Variants in ALK observed in about 807,000 individuals in gnomAD.
The protein encoded by ALK is ALK receptor tyrosine kinase.
ALK carries 74 observed loss-of-function variants against 163.1 expected under a neutral mutation model. The observed-to-expected ratio is 0.45, with a 90% CI of 0.38 to 0.55. ALK has a LOEUF of 0.55. Ranked by LOEUF, ALK falls within the 20% of genes least tolerant of loss-of-function variation. The probability of loss-of-function intolerance (pLI) is 0.00; values close to 1 mark genes in which losing one functional copy is unlikely to be tolerated. For synonymous variants in ALK, 960 were observed against 843.2 expected (o/e 1.14, Z -2.40); for missense variants, 2,063 against 2,105.3 (o/e 0.98, Z 0.39).
intron 1 of ALK, among the ~76,000 whole-genome samples, chr2:29,830,545 T>C (rs1572415485): frequency 6.6e-6 from 1 of 151,764 alleles, no homozygotes; most frequent in African/African-American, 2.4e-5. Context: ...CCAGTGCCAA[T>C]AGCACCAGCA....
At chr2:29,614,774 C>T (rs1328646097) in intron 3 of ALK, among the ~76,000 whole-genome samples, 2 of 152,144 alleles carry the variant, frequency 1.3e-5, no homozygotes, top group East Asian at 3.8e-4. Context: ...GCCAGAATCC[C>T]CCCATCCCTG....
At chr2:29,699,556 T>C (rs1442799247) in intron 2 of ALK, among the ~76,000 whole-genome samples, 1 of 152,216 alleles carries the variant, frequency 6.6e-6, no homozygotes, top group Non-Finnish European at 1.5e-5. Context: ...TGTTTTATCT[T>C]GGTTACTCTT....
chr2:29,604,264 A>G (rs1476549679), intron 3 of ALK, among the ~76,000 whole-genome samples: 1 of 151,026 alleles, frequency 6.6e-6, no homozygotes, highest in Non-Finnish European at 1.5e-5. Context: ...TTCGGTGTTC[A>G]TAAGTAAGGT....
intron 3 of ALK, among the ~76,000 whole-genome samples, chr2:29,549,392 G>A (rs1174724230): frequency 6.6e-6 from 1 of 152,156 alleles, no homozygotes; most frequent in East Asian, 1.9e-4. Context: ...TATTTGGACA[G>A]CGTTTTATGA....
intron 3 of ALK, among the ~76,000 whole-genome samples, chr2:29,576,214 C>T (rs1369102353): frequency 6.6e-6 from 1 of 152,180 alleles, no homozygotes; most frequent in East Asian, 1.9e-4. Flanking sequence ...AAGCAAATCC[C>T]TAAATAATCA....
intron 1 of ALK, among the ~76,000 whole-genome samples, chr2:29,741,325 T>A (rs1680052613): frequency 6.6e-6 from 1 of 152,174 alleles, no homozygotes; most frequent in Non-Finnish European, 1.5e-5. Context: ...CTTTGGGTGA[T>A]AATGCTGTGT....
At chr2:29,695,753 CAT>C (rs1297003236) in intron 2 of ALK, among the ~76,000 whole-genome samples, 26 of 152,152 alleles carry the variant, frequency 1.7e-4, no homozygotes, top group Admixed American at 1.6e-3. Context: ...GGCCAACAAA[CAT>C]ATGAAAAAAA....
rs72861578 is a variant in ALK, at chr2:29,580,977, C to G, written c.953-48861G>C. On this transcript the variant is annotated intron_variant, in intron 3 of 28. Transcript: ENST00000389048. ...AGTCAGTGTGGGTGGACATGGGGTGCCTCTTTCCACAAGGTCCGATCTTCT... is the reference window on the plus strand; with the variant it reads ...AGTCAGTGTGGGTGGACATGGGGTGGCTCTTTCCACAAGGTCCGATCTTCT... 8.3e-3 allele frequency among the ~76,000 whole-genome samples: 1,270 copies of G among 152,274 alleles called. 8 individuals are homozygous for G. The highest frequency in any genetic ancestry group is 9.8e-3 in the Non-Finnish European group (666 of 68,022).
Position 29,718,340 on chromosome 2 carries a change from G to A in ALK, c.668-643C>T, listed in dbSNP as rs1446660775. On this transcript the variant is annotated intron_variant, in intron 1 of 28. Transcript: ENST00000389048. ...AGAAGCATTATTCCTGTCCTTAGCA[G>A]CACCTCATGTGGATTTTGTGTGGTG... Among the ~76,000 whole-genome samples the A allele has an allele frequency of 1.3e-5, 2 of 152,222 alleles. 1 individual carries two copies.
At chr2:29,883,032 A>C (rs1169651741) in intron 1 of ALK, among the ~76,000 whole-genome samples, 1 of 151,710 alleles carries the variant, frequency 6.6e-6, no homozygotes, top group Non-Finnish European at 1.5e-5. Flanking sequence ...TTTTTCATGA[A>C]GGAAGGAAGG....
chr2:29,599,841 C>A (rs140830064), intron 3 of ALK, among the ~76,000 whole-genome samples: 1 of 152,172 alleles, frequency 6.6e-6, no homozygotes, highest in East Asian at 1.9e-4. Context: ...ATGGGCAATA[C>A]GCCAATGCTC....
intron 3 of ALK, among the ~76,000 whole-genome samples, chr2:29,603,783 C>T (rs556767014): frequency 2.6e-5 from 4 of 152,290 alleles, no homozygotes; most frequent in East Asian, 3.9e-4. Flanking sequence ...TAGAAACCAT[C>T]CCTCAGTTTA....
chr2:29,911,848 A>G (rs1187388056), intron 1 of ALK, among the ~76,000 whole-genome samples: 2 of 152,236 alleles, frequency 1.3e-5, no homozygotes, highest in Admixed American at 6.5e-5. Context: ...ATTATCAAAG[A>G]CGTGAAAGAA....
At chr2:29,282,006 G>A (rs1665730168) in intron 9 of ALK, among the ~76,000 whole-genome samples, 1 of 152,214 alleles carries the variant, frequency 6.6e-6, no homozygotes, top group Non-Finnish European at 1.5e-5. Flanking sequence ...GATGTGGATG[G>A]AGGGAATGGC....
At chr2:29,845,635 T>C (rs1404920746) in intron 1 of ALK, among the ~76,000 whole-genome samples, 2 of 152,164 alleles carry the variant, frequency 1.3e-5, no homozygotes, top group African/African-American at 2.4e-5. Context: ...GATTTCACCA[T>C]GTTGGCCAGG....
intron 1 of ALK, among the ~76,000 whole-genome samples, chr2:29,897,278 T>C (rs1350242134): frequency 1.3e-5 from 2 of 151,788 alleles, no homozygotes; most frequent in Non-Finnish European, 2.9e-5. Context: ...GAGGCAGAGG[T>C]TTCAGTGAGC....
chr2:29,275,962 C>T (rs1474372299), intron 9 of ALK, among the ~76,000 whole-genome samples: 1 of 152,196 alleles, frequency 6.6e-6, no homozygotes, highest in African/African-American at 2.4e-5. Context: ...GTCTGACATT[C>T]AGCCAGTGGG....
intron 3 of ALK, among the ~76,000 whole-genome samples, chr2:29,631,440 G>C (rs1402212942): frequency 6.6e-6 from 1 of 152,220 alleles, no homozygotes; most frequent in Non-Finnish European, 1.5e-5. Context: ...AGTGAGCATG[G>C]AAATGGGCTT....
At chr2:29,703,985 A>G (rs1362532082) in intron 2 of ALK, among the ~76,000 whole-genome samples, 2 of 152,116 alleles carry the variant, frequency 1.3e-5, no homozygotes, top group Admixed American at 6.5e-5. Context: ...GACGTACTGA[A>G]CCACCAGCTG....
Sources: gnomAD v4.1 joint callset for allele counts (sites outside exome capture counted in the v4.1 genomes callset) on GRCh38, gnomAD v4.1.1 for gene constraint, MANE v1.5 for transcripts, NCBI Gene and HGNC (gene_info 2026-07-23, HGNC 2026-07-21) for gene names.